ADAMTS17: variants seen among roughly 807,000 people sequenced by gnomAD.
ADAMTS17 encodes the protein ADAM metallopeptidase with thrombospondin type 1 motif 17.
A neutral mutation model predicts 141.5 loss-of-function variants in ADAMTS17; 113 were observed. The ratio of observed to expected loss-of-function variants is 0.80; its 90% confidence interval spans 0.69 to 0.93. The LOEUF is 0.93. Ranked by LOEUF, ADAMTS17 falls within the 40% of genes least tolerant of loss-of-function variation. The pLI, the probability that ADAMTS17 is intolerant of heterozygous loss-of-function variation, is 0.00. For missense variants in ADAMTS17, 1,659 were observed against 1,517.9 expected, an observed-to-expected ratio of 1.09 and a Z score of -1.54; for synonymous variants, 768 against 630.6, an observed-to-expected ratio of 1.22 and a Z score of -3.27.
At chr15:100,276,451 G>A (rs182591235) in intron 4 of ADAMTS17, among the ~76,000 whole-genome samples, 3 of 46,104 alleles carry the variant, frequency 6.5e-5, no homozygotes, top group South Asian at 1.1e-3. Context: ...GGTGGGAGGG[G>A]GTGGGTGCCT....
chr15:99,973,835 C>CGCCGTA lies in ADAMTS17; in HGVS notation c.*566_*567insTACGGC. ...ACACCTAGGATTTAGAGACTATGTT[C>CGCCGTA]TCAGAGACGGGCATGGAGGCAACGT... On this transcript the variant is annotated 3_prime_UTR_variant, in exon 22 of 22. Transcript: ENST00000268070. The CGCCGTA allele has an allele frequency of 5.4e-6, 1 of 186,492 alleles. No individual in the cohort carries two copies. The highest frequency in any genetic ancestry group is 1.1e-4 in the South Asian group (1 of 9,120). 11.6% of individuals were successfully genotyped at this position (186,492 alleles called of 1,614,324 possible). A position where few individuals can be genotyped will look rare whatever the true frequency, so the allele number is the denominator to read the frequency against.
chr15:100,287,853 T>C (rs1164018620), intron 3 of ADAMTS17, among the ~76,000 whole-genome samples: 2 of 152,214 alleles, frequency 1.3e-5, no homozygotes, highest in Non-Finnish European at 2.9e-5. Context: ...CAAGATGTCC[T>C]TAAGGGACTG....
At chr15:100,044,195 AT>A (rs1319074434) in intron 18 of ADAMTS17, among the ~76,000 whole-genome samples, 2 of 152,116 alleles carry the variant, frequency 1.3e-5, no homozygotes, top group Admixed American at 1.3e-4. Flanking sequence ...ATTACCTCTC[AT>A]CTGTCTTTCA....
intron 8 of ADAMTS17, among the ~76,000 whole-genome samples, chr15:100,157,569 C>T (rs1029664584): frequency 2.0e-5 from 3 of 152,204 alleles, no homozygotes; most frequent in African/African-American, 7.2e-5. Flanking sequence ...TGGAGGCCCA[C>T]AGGCTCTTCC....
At chr15:100,036,235 T>G (rs1023010930) in intron 18 of ADAMTS17, among the ~76,000 whole-genome samples, 4 of 152,100 alleles carry the variant, frequency 2.6e-5, no homozygotes, top group African/African-American at 9.7e-5. Context: ...AAGGGGAAGG[T>G]GCACTGTGAA....
intron 7 of ADAMTS17, among the ~76,000 whole-genome samples, chr15:100,199,691 C>T (rs559553907): frequency 3.3e-5 from 5 of 152,298 alleles, no homozygotes; most frequent in Non-Finnish European, 4.4e-5. Context: ...ACTTAATCCC[C>T]GTGACCCAGG....
chr15:100,235,183 G>C (rs2042617145), intron 7 of ADAMTS17, among the ~76,000 whole-genome samples: 1 of 152,148 alleles, frequency 6.6e-6, no homozygotes, highest in Non-Finnish European at 1.5e-5. Flanking sequence ...GCCTTTATCA[G>C]AAGCCTCTTC....
At position 100,058,284 on chromosome 15, in the gene ADAMTS17, A is replaced by ACAC. The variant is rs2032798157; in HGVS notation, c.2138-4231_2138-4230insGTG. Reference sequence around the variant, plus strand: ...CTCTGACACCCCTATCCCGGCTCTAACCCTCCTATCCCGGCTCTAACACCC... The same window carrying ACAC: ...CTCTGACACCCCTATCCCGGCTCTAACACCCCTCCTATCCCGGCTCTAACACCC... On this transcript the variant is annotated intron_variant, in intron 15 of 21. Coordinates refer to ENST00000268070, the MANE Select transcript of ADAMTS17 (RefSeq NM_139057.4). 4.0e-5 allele frequency among the ~76,000 whole-genome samples: 3 copies of ACAC among 75,320 alleles called. 1 individual carries two copies. The highest frequency in any genetic ancestry group is 2.5e-4 in the Admixed American group (2 of 8,026). 49.4% of individuals were successfully genotyped at this position (75,320 alleles called of 152,430 possible).
At chr15:99,994,358 C>T (rs1239733328) in intron 19 of ADAMTS17, among the ~76,000 whole-genome samples, 1 of 151,850 alleles carries the variant, frequency 6.6e-6, no homozygotes, top group South Asian at 2.1e-4. Flanking sequence ...TAGTTCACAC[C>T]CATAATCCCA....
rs1952640796 is a variant in ADAMTS17, at chr15:99,982,893, C to G, written c.2950-6671G>C. On this transcript the variant is annotated intron_variant, in intron 20 of 21. Transcript: ENST00000268070. Reference sequence around the variant, plus strand: ...GAGAGGCAGCCTCTGCATCTGTCCACCACCCTTCCCAGGCAGGGAGGGGGT... The same window carrying G: ...GAGAGGCAGCCTCTGCATCTGTCCAGCACCCTTCCCAGGCAGGGAGGGGGT... 1.3e-5 allele frequency among the ~76,000 whole-genome samples: 2 copies of G among 152,162 alleles called. 1 individual carries two copies. The highest frequency in any genetic ancestry group is 4.1e-4 in the South Asian group (2 of 4,820).
At chr15:100,036,758 A>C (rs2727186) in intron 18 of ADAMTS17, among the ~76,000 whole-genome samples, 14,616 of 152,000 alleles carry the variant, frequency 0.096, 1,771 homozygotes, top group African/African-American at 0.29. Flanking sequence ...CCTCATTAGC[A>C]CTAGGCACCC....
chr15:100,013,003 C>T (rs7168396), intron 18 of ADAMTS17, among the ~76,000 whole-genome samples: 91,891 of 152,070 alleles, frequency 0.6, 29,882 homozygotes, highest in Non-Finnish European at 0.74. Context: ...AATATTGATT[C>T]TACCCATATG....
At chr15:100,007,789 T>G (rs2061066459) in intron 18 of ADAMTS17, among the ~76,000 whole-genome samples, 1 of 151,786 alleles carries the variant, frequency 6.6e-6, no homozygotes, top group Non-Finnish European at 1.5e-5. Context: ...GTCTGCAGCT[T>G]GGGGTGCGGT....
chr15:100,042,338 A>C (rs2031329534), intron 18 of ADAMTS17, among the ~76,000 whole-genome samples: 1 of 152,186 alleles, frequency 6.6e-6, no homozygotes, highest in Non-Finnish European at 1.5e-5. Flanking sequence ...AGCTGTACAG[A>C]AGTCCTCCCT....
At chr15:100,045,449 G>T (rs781102843) in intron 18 of ADAMTS17, among the ~76,000 whole-genome samples, 19 of 152,116 alleles carry the variant, frequency 1.2e-4, no homozygotes, top group Non-Finnish European at 1.2e-4. Context: ...AGCTAATTTG[G>T]CTGGAATAAA....
At chr15:100,182,810 G>A (rs2040571210) in intron 8 of ADAMTS17, among the ~76,000 whole-genome samples, 1 of 152,126 alleles carries the variant, frequency 6.6e-6, no homozygotes. Flanking sequence ...TTTCTTTAAG[G>A]AATTTAGTTT....
chr15:99,975,959 G>A (rs2060314563), intron 21 of ADAMTS17, 86 bp downstream of exon 21: 4 of 1,420,100 alleles, frequency 2.8e-6, no homozygotes, highest in South Asian at 1.4e-5. Flanking sequence ...GGGCTTTCTG[G>A]CTGAAAGAAC....
intron 3 of ADAMTS17, among the ~76,000 whole-genome samples, chr15:100,315,383 C>T (rs970385520): frequency 3.9e-5 from 6 of 152,034 alleles, no homozygotes; most frequent in African/African-American, 9.7e-5. Flanking sequence ...CACTGGTGAT[C>T]GGCCGATCTC....
chr15:100,051,239 A>G (rs12443347), intron 17 of ADAMTS17, among the ~76,000 whole-genome samples: 50,858 of 151,908 alleles, frequency 0.33, 10,091 homozygotes, highest in African/African-American at 0.54. Context: ...TCCAGCAAGC[A>G]GCAGCAGTTG....
Sources: allele counts gnomAD v4.1 joint callset (sites outside exome capture counted in the v4.1 genomes callset), GRCh38; gene constraint gnomAD v4.1.1; transcripts MANE v1.5; gene names NCBI Gene and HGNC (gene_info 2026-07-23, HGNC 2026-07-21).